The following GPR158 variants were observed in gnomAD, a reference collection of about 807,000 sequenced individuals.
GPR158 encodes metabotropic glycine receptor.
In GPR158, 30 loss-of-function variants were observed where a neutral mutation model predicts 78.2. The observed-to-expected ratio is 0.38, with a 90% CI of 0.29 to 0.52. GPR158 has a LOEUF of 0.52. Among genes scored for constraint, GPR158 ranks in the 20% least tolerant of loss-of-function variants. The pLI is 0.83. For synonymous variants in GPR158, 581 were observed against 591.1 expected, an observed-to-expected ratio of 0.98 and a Z score of 0.25; for missense variants, 1,463 against 1,523.5, an observed-to-expected ratio of 0.96 and a Z score of 0.66.
chr10:25,512,897 G>A (rs1181615137), intron 5 of GPR158, among the ~76,000 whole-genome samples: 1 of 152,042 alleles, frequency 6.6e-6, no homozygotes, highest in Non-Finnish European at 1.5e-5. Flanking sequence ...GATCATGGTG[G>A]ATTGTCTTTT....
chr10:25,470,606 T>G (rs1835486434), intron 5 of GPR158, among the ~76,000 whole-genome samples: 1 of 152,220 alleles, frequency 6.6e-6, no homozygotes, highest in Admixed American at 6.5e-5. Flanking sequence ...TCTAATTTTC[T>G]AGCATAGAGT....
At chr10:25,389,387 C>T (rs574007081) in intron 2 of GPR158, among the ~76,000 whole-genome samples, 8 of 152,252 alleles carry the variant, frequency 5.3e-5, no homozygotes, top group African/African-American at 1.9e-4. Context: ...ATTAACCTCT[C>T]TGCTGAGAGC....
chr10:25,346,256 G>A (rs1413774208), intron 2 of GPR158, among the ~76,000 whole-genome samples: 1 of 149,984 alleles, frequency 6.7e-6, no homozygotes, highest in Non-Finnish European at 1.5e-5. Flanking sequence ...TATTTTGCTG[G>A]GAAGACAAAA....
intron 2 of GPR158, among the ~76,000 whole-genome samples, chr10:25,284,506 A>G (rs1312404403): frequency 6.6e-6 from 1 of 151,348 alleles, no homozygotes; most frequent in Non-Finnish European, 1.5e-5. Flanking sequence ...TAACATATCT[A>G]TGTTTTTATG....
intron 2 of GPR158, among the ~76,000 whole-genome samples, chr10:25,273,754 A>C (rs926737670): frequency 3.3e-5 from 5 of 151,594 alleles, no homozygotes; most frequent in African/African-American, 1.2e-4. Context: ...ATCTCTGCTC[A>C]CTGAAGCCTC....
intron 7 of GPR158, among the ~76,000 whole-genome samples, chr10:25,586,916 C>G (rs1032406286): frequency 6.6e-6 from 1 of 152,174 alleles, no homozygotes; most frequent in African/African-American, 2.4e-5. Context: ...GTACAGAAGG[C>G]CAATCCCTGA....
chr10:25,596,638 T>C lies in GPR158; in HGVS notation c.1999-5T>C, dbSNP rs1275680319. The C allele has an allele frequency of 6.2e-7, 1 of 1,610,984 alleles. No homozygotes were observed. Among genetic ancestry groups the C allele is most frequent in the Non-Finnish European group, 8.5e-7 (1 of 1,178,068 alleles). The stretch of plus-strand genomic sequence containing the variant: ...TGTCTACTGCTCATACTGAATTTGT[T>C]TCAGTTTTCACATTCAAGCAATAAC... On this transcript the variant is annotated splice_polypyrimidine_tract_variant and splice_region_variant and intron_variant, in intron 9 of 10. Transcript: ENST00000376351.
intron 2 of GPR158, among the ~76,000 whole-genome samples, chr10:25,261,794 G>C (rs1281333926): frequency 6.6e-6 from 1 of 152,080 alleles, no homozygotes; most frequent in Non-Finnish European, 1.5e-5. Flanking sequence ...GGAGCTAATA[G>C]AAAGGGAGAA....
At chr10:25,265,216 G>A (rs767866476) in intron 2 of GPR158, among the ~76,000 whole-genome samples, 24 of 152,122 alleles carry the variant, frequency 1.6e-4, no homozygotes, top group Non-Finnish European at 2.9e-5. Flanking sequence ...GGGCTCTGTG[G>A]TTGGTTCTGA....
chr10:25,412,321 T>G lies in GPR158; in HGVS notation c.1183T>G (p.Cys395Gly). The G allele has an allele frequency of 6.2e-7, 1 of 1,613,858 alleles. No homozygotes were observed. The highest frequency in any genetic ancestry group is 8.5e-7 in the Non-Finnish European group (1 of 1,179,686). ...AGAAGAAGCCTATGTCTGCCTACCT[T>G]GCAGGGAGGGCTGCCCCTTCTGTGC... ...VSEEAYVCLP[C>G]REGCPFCADD... Residue 395 changes from cysteine to glycine, a missense_variant, in exon 4 of 11, where the codon TGC becomes GGC. Physicochemically the swap from Cys to Gly is radical, Grantham distance 159. Coordinates refer to ENST00000376351, the MANE Select transcript of GPR158 (RefSeq NM_020752.3).
intron 2 of GPR158, among the ~76,000 whole-genome samples, chr10:25,379,203 T>G (rs1429158459): frequency 1.3e-5 from 2 of 152,216 alleles, no homozygotes; most frequent in Non-Finnish European, 2.9e-5. Context: ...TACTCGCATA[T>G]TTACTTTCTA....
chr10:25,348,853 C>T (rs1377564087), intron 2 of GPR158, among the ~76,000 whole-genome samples: 2 of 151,974 alleles, frequency 1.3e-5, no homozygotes, highest in African/African-American at 4.8e-5. Context: ...TTTGAAGATT[C>T]ACTCTAGTCA....
At chr10:25,178,945 T>G (rs1484496665) in intron 1 of GPR158, among the ~76,000 whole-genome samples, 1 of 152,214 alleles carries the variant, frequency 6.6e-6, no homozygotes, top group Non-Finnish European at 1.5e-5. Flanking sequence ...CTAATGCAAG[T>G]GTCTGTGGCT....
intron 7 of GPR158, among the ~76,000 whole-genome samples, chr10:25,580,025 T>TG (rs1483814898): frequency 9.8e-5 from 15 of 152,320 alleles, no homozygotes; most frequent in African/African-American, 3.6e-4. Context: ...TTCATGGTTG[T>TG]GAAAGTCCAC....
chr10:25,511,576 A>C (rs768800809), intron 5 of GPR158, among the ~76,000 whole-genome samples: 1 of 151,810 alleles, frequency 6.6e-6, no homozygotes, highest in African/African-American at 2.4e-5. Context: ...TTTTTGTTGC[A>C]TTTGCTTTCG....
At chr10:25,215,507 T>C (rs973872430) in intron 1 of GPR158, among the ~76,000 whole-genome samples, 3 of 152,062 alleles carry the variant, frequency 2.0e-5, no homozygotes, top group Non-Finnish European at 4.4e-5. Context: ...GTTAAGATGG[T>C]AAATTGTGTT....
At chr10:25,578,858 A>C (rs1432748477) in intron 7 of GPR158, among the ~76,000 whole-genome samples, 1 of 151,908 alleles carries the variant, frequency 6.6e-6, no homozygotes, top group Non-Finnish European at 1.5e-5. Flanking sequence ...ATACAAAAAA[A>C]ATTAGCTGGG....
At chr10:25,292,429 T>C (rs1427005347) in intron 2 of GPR158, among the ~76,000 whole-genome samples, 4 of 152,136 alleles carry the variant, frequency 2.6e-5, no homozygotes, top group Admixed American at 6.5e-5. Context: ...TTTTTTTCTT[T>C]CCTTTTTGAT....
At chr10:25,283,510 A>T (rs1322981453) in intron 2 of GPR158, among the ~76,000 whole-genome samples, 1 of 152,028 alleles carries the variant, frequency 6.6e-6, no homozygotes, top group Non-Finnish European at 1.5e-5. Flanking sequence ...CTTAGTGTTC[A>T]AATAATGGAA....
Sources: gnomAD v4.1 joint callset for allele counts (sites outside exome capture counted in the v4.1 genomes callset) on GRCh38, gnomAD v4.1.1 for gene constraint, MANE v1.5 for transcripts, NCBI Gene and HGNC (gene_info 2026-07-23, HGNC 2026-07-21) for gene names.